The following CCSER1 variants were observed in gnomAD, a reference collection of about 807,000 sequenced individuals.
The protein encoded by CCSER1 is coiled-coil serine rich protein 1.
CCSER1 carries 41 observed loss-of-function variants against 82.0 expected under a neutral mutation model. The observed-to-expected ratio is 0.50, with a 90% CI of 0.39 to 0.65. The LOEUF (loss-of-function observed/expected upper bound fraction) is 0.65, where lower values mean the gene tolerates loss of function less well. CCSER1 is among the 30% of genes least tolerant of loss of function. The pLI, the probability that CCSER1 is intolerant of heterozygous loss-of-function variation, is 0.00. For missense variants in CCSER1, 1,119 were observed against 1,064.2 expected, an observed-to-expected ratio of 1.05 and a Z score of -0.72; for synonymous variants, 414 against 383.9, an observed-to-expected ratio of 1.08 and a Z score of -0.92.
intron 5 of CCSER1, among the ~76,000 whole-genome samples, chr4:90,575,618 A>G (rs1054728091): frequency 6.6e-6 from 1 of 152,228 alleles, no homozygotes; most frequent in Non-Finnish European, 1.5e-5. Context: ...TGTACCGTCA[A>G]TGTTACACAA....
chr4:90,641,516 A>C (rs1447757588), intron 6 of CCSER1, among the ~76,000 whole-genome samples: 1 of 152,136 alleles, frequency 6.6e-6, no homozygotes, highest in East Asian at 1.9e-4. Context: ...TATATTAAAA[A>C]ACTCACTTTC....
chr4:90,137,123 C>T (rs1664747615), intron 1 of CCSER1, among the ~76,000 whole-genome samples: 1 of 152,090 alleles, frequency 6.6e-6, no homozygotes, highest in South Asian at 2.1e-4. Flanking sequence ...ATTAAAAGTA[C>T]TCATTAATAA....
intron 5 of CCSER1, among the ~76,000 whole-genome samples, chr4:90,589,766 CTT>C (rs1333518409): frequency 1.3e-5 from 2 of 152,074 alleles, no homozygotes; most frequent in Non-Finnish European, 2.9e-5. Context: ...GGTGCAGTCT[CTT>C]TCAGAGAATT....
At position 90,169,878 on chromosome 4, in the gene CCSER1, C is replaced by G. The variant is rs529244218; in HGVS notation, c.-42+42047C>G. ...TTTATTCTTAGTTCTAGGCATAAAC[C>G]TTTTCATGCCATTTTCCAGGCTTAG... On this transcript the variant is annotated intron_variant, in intron 1 of 10. Coordinates refer to ENST00000509176, the MANE Select transcript of CCSER1 (RefSeq NM_001145065.2). 2.6e-5 allele frequency among the ~76,000 whole-genome samples: 4 copies of G among 151,826 alleles called. No individual in the cohort carries two copies. The South Asian group carries it at 8.3e-4, about 32-fold the overall frequency.
intron 1 of CCSER1, among the ~76,000 whole-genome samples, chr4:90,148,448 AAAAC>A (rs1340640339): frequency 2.0e-5 from 3 of 152,292 alleles, no homozygotes; most frequent in East Asian, 3.9e-4. Flanking sequence ...ACAACATTAT[AAAAC>A]AAACAAAAGG....
intron 10 of CCSER1, among the ~76,000 whole-genome samples, chr4:91,282,687 G>A (rs1000702141): frequency 6.6e-5 from 10 of 152,046 alleles, no homozygotes; most frequent in South Asian, 4.1e-4. Context: ...GACAAGATAA[G>A]CTCCCTCTTT....
At chr4:91,363,403 C>G (rs1319449509) in intron 10 of CCSER1, among the ~76,000 whole-genome samples, 1 of 148,486 alleles carries the variant, frequency 6.7e-6, no homozygotes, top group African/African-American at 2.5e-5. Context: ...GACAAAAATA[C>G]AGGGAAAAGA....
At chr4:91,008,672 T>C (rs1428936736) in intron 9 of CCSER1, among the ~76,000 whole-genome samples, 1 of 152,222 alleles carries the variant, frequency 6.6e-6, no homozygotes, top group East Asian at 1.9e-4. Context: ...TCTGTGTCTT[T>C]GATTGGAGAA....
At chr4:91,241,834 G>C (rs1739391971) in intron 10 of CCSER1, among the ~76,000 whole-genome samples, 1 of 152,044 alleles carries the variant, frequency 6.6e-6, no homozygotes, top group African/African-American at 2.4e-5. Flanking sequence ...GCATGTGTTA[G>C]ATATTGTGCT....
chr4:90,991,454 A>G lies in CCSER1; in HGVS notation c.2172+68007A>G, dbSNP rs138140429. On this transcript the variant is annotated intron_variant, in intron 9 of 10. Transcript: ENST00000509176. ...TTTGCAGCTTCTGGTACTTCCACGT[A>G]TCCACTTCTGGTACTTCCACGTATC... Among the ~76,000 whole-genome samples, 588 of 152,078 alleles carry G rather than the reference A, an allele frequency of 3.9e-3. 5 individuals carry two copies. The highest frequency in any genetic ancestry group is 0.013 in the African/African-American group (560 of 41,524).
chr4:90,159,932 T>G (rs940452448), intron 1 of CCSER1, among the ~76,000 whole-genome samples: 1 of 152,262 alleles, frequency 6.6e-6, no homozygotes, highest in African/African-American at 2.4e-5. Context: ...TAGTACCTAA[T>G]GTTATCAAAT....
At chr4:90,864,543 G>A (rs903944038) in intron 8 of CCSER1, among the ~76,000 whole-genome samples, 2 of 151,948 alleles carry the variant, frequency 1.3e-5, no homozygotes, top group Admixed American at 6.6e-5. Flanking sequence ...ATCATCATAA[G>A]GTGTGGCCCC....
intron 1 of CCSER1, among the ~76,000 whole-genome samples, chr4:90,221,197 A>T (rs550511698): frequency 6.6e-6 from 1 of 152,162 alleles, no homozygotes; most frequent in Non-Finnish European, 1.5e-5. Flanking sequence ...TTTCCGTGGA[A>T]ATATGCTTAA....
At chr4:90,732,348 A>G (rs918951100) in intron 7 of CCSER1, among the ~76,000 whole-genome samples, 1 of 152,118 alleles carries the variant, frequency 6.6e-6, no homozygotes, top group Non-Finnish European at 1.5e-5. Context: ...TTGTAAGAAG[A>G]CACAGAATTC....
intron 10 of CCSER1, among the ~76,000 whole-genome samples, chr4:91,266,472 C>G (rs951082071): frequency 6.6e-6 from 1 of 151,940 alleles, no homozygotes; most frequent in Non-Finnish European, 1.5e-5. Context: ...AGGATGGTCT[C>G]GATCTCCTGA....
chr4:90,966,785 G>A (rs1440970010), intron 9 of CCSER1, among the ~76,000 whole-genome samples: 1 of 152,040 alleles, frequency 6.6e-6, no homozygotes, highest in South Asian at 2.1e-4. Context: ...GTATGTTCAT[G>A]GGTCAATAGG....
At chr4:90,724,098 A>C in intron 7 of CCSER1, 107 bp downstream of exon 7, 1 of 612,364 alleles carries the variant, frequency 1.6e-6, no homozygotes, top group South Asian at 3.0e-5. Context: ...TTAATCTTCA[A>C]GGGTCTGATT....
At chr4:90,173,326 TTG>T (rs1373590481) in intron 1 of CCSER1, among the ~76,000 whole-genome samples, 1 of 140,234 alleles carries the variant, frequency 7.1e-6, no homozygotes, top group Non-Finnish European at 1.5e-5. Flanking sequence ...TGATCTGCAA[TTG>T]TGTTTTTTTT....
chr4:91,350,183 C>A (rs1478933274), intron 10 of CCSER1, among the ~76,000 whole-genome samples: 1 of 152,080 alleles, frequency 6.6e-6, no homozygotes, highest in African/African-American at 2.4e-5. Flanking sequence ...TTTATTTAAT[C>A]ATTAAAAATG....
Sources: gnomAD v4.1 joint callset for allele counts (sites outside exome capture counted in the v4.1 genomes callset) on GRCh38, gnomAD v4.1.1 for gene constraint, MANE v1.5 for transcripts, NCBI Gene and HGNC (gene_info 2026-07-23, HGNC 2026-07-21) for gene names.